EEF1A1: variants seen among roughly 807,000 people sequenced by gnomAD.
EEF1A1 encodes the protein elongation factor 1-alpha 1.
A neutral mutation model predicts 38.5 loss-of-function variants in EEF1A1; 1 was observed. The observed-to-expected ratio is 0.03, with a 90% CI of 0.01 to 0.12. The LOEUF (loss-of-function observed/expected upper bound fraction) is 0.12, where lower values mean the gene tolerates loss of function less well. Among genes scored for constraint, EEF1A1 ranks in the 10% least tolerant of loss-of-function variants. The pLI is 1.00. For missense variants in EEF1A1, 184 were observed against 588.3 expected, an observed-to-expected ratio of 0.31 and a Z score of 7.11; for synonymous variants, 229 against 203.7, an observed-to-expected ratio of 1.12 and a Z score of -1.06.
Position 73,516,970 on chromosome 6 carries a change from C to G in EEF1A1, c.*840G>C, listed in dbSNP as rs1765533025. The G allele has an allele frequency of 1.3e-5, 2 of 152,312 alleles. No homozygotes were observed. Among genetic ancestry groups the G allele is most frequent in the South Asian group, 4.1e-4 (2 of 4,826 alleles). 9.4% of individuals were successfully genotyped at this position (152,312 alleles called of 1,614,324 possible). ...AGCTACTTCAAATTGCCATCTTTTT[C>G]TATTAGAACCTTGTTCCTATTCTGA... is the stretch of plus-strand genomic sequence containing the variant. On this transcript the variant is annotated 3_prime_UTR_variant, in exon 8 of 8. Coordinates refer to ENST00000309268, the MANE Select transcript of EEF1A1 (RefSeq NM_001402.6).
Position 73,516,644 on chromosome 6 carries a change from A to G in EEF1A1, c.*1166T>C, listed in dbSNP as rs574692065. ...GAAAGCATGTCCTTTAATTTTACCT[A>G]TCCTTCAAACTTAAGCAAAAATTTT... On this transcript the variant is annotated 3_prime_UTR_variant, in exon 8 of 8. Transcript: ENST00000309268. 48 of 152,074 alleles carry G rather than the reference A, an allele frequency of 3.2e-4. No homozygotes were observed. The highest frequency in any genetic ancestry group is 1.1e-3 in the African/African-American group (47 of 41,498). The allele number at this position is 152,074 out of a possible 1,614,324, so 9.4% of individuals were successfully genotyped here. A position where few individuals can be genotyped will look rare whatever the true frequency, so the allele number is the denominator to read the frequency against.
chr6:73,516,572 C>G lies in EEF1A1; in HGVS notation c.*1238G>C, dbSNP rs962909370. The G allele has an allele frequency of 6.6e-6, 1 of 152,044 alleles. No individual in the cohort carries two copies. Among genetic ancestry groups the G allele is most frequent in the Admixed American group, 6.6e-5 (1 of 15,254 alleles). 9.4% of individuals were successfully genotyped at this position (152,044 alleles called of 1,614,324 possible). ...TGCCATTGCATTCTAGCCTGGGCAA[C>G]AAGAACTCCATCTTAAAAAAAATTT... On this transcript the variant is annotated 3_prime_UTR_variant, in exon 8 of 8. Coordinates refer to ENST00000309268, the MANE Select transcript of EEF1A1 (RefSeq NM_001402.6).
rs1765547871 is a variant in EEF1A1 at position 73,517,400 on chromosome 6, CCACCCAGAAGTGTTAACTCA to C, written c.*390_*409del. ...TGTGGGGGGAAAACAACCCTATTCT[CCACCCAGAAGTGTTAACTCA>C]AGAATTACATTTTCAAGAAGTTTCC... is the stretch of plus-strand genomic sequence containing the variant. On this transcript the variant is annotated 3_prime_UTR_variant, in exon 8 of 8. Coordinates refer to ENST00000309268, the MANE Select transcript of EEF1A1 (RefSeq NM_001402.6). The C allele has an allele frequency of 6.0e-6, 1 of 167,744 alleles. No homozygotes were observed. Among genetic ancestry groups the C allele is most frequent in the Admixed American group, 6.0e-5 (1 of 16,770 alleles). 10.4% of individuals were successfully genotyped at this position (167,744 alleles called of 1,614,324 possible).
chr6:73,519,946 C>T lies in EEF1A1; in HGVS notation c.81G>A (p.Leu27=), dbSNP rs1250642922. The T allele has an allele frequency of 6.2e-7, 1 of 1,609,024 alleles. No homozygotes were observed. The highest frequency in any genetic ancestry group is 1.3e-5 in the African/African-American group (1 of 74,896). Residue 27 remains leucine, a synonymous_variant, in exon 2 of 8, where the codon CTG becomes CTA. Coordinates refer to ENST00000309268, the MANE Select transcript of EEF1A1 (RefSeq NM_001402.6). ...DSGKSTTTGH[L]IYKCGGIDKR... is the part of the protein sequence containing the mutation. ...TGTCGATGCCACCGCATTTATAGAT[C>T]AGATGGCCAGTAGTGGTGGACTTGC...
chr6:73,519,248 A>G lies in EEF1A1; in HGVS notation c.325-20T>C, dbSNP rs1182045875. 1 of 1,607,506 alleles carries G rather than the reference A, an allele frequency of 6.2e-7. No homozygotes were observed. Among genetic ancestry groups the G allele is most frequent in the Non-Finnish European group, 8.5e-7 (1 of 1,176,732 alleles). On this transcript the variant is annotated intron_variant, in intron 3 of 7. Coordinates refer to ENST00000309268, the MANE Select transcript of EEF1A1 (RefSeq NM_001402.6). ...GTCAGCCTTTAAAGAAAGCAAAGAC[A>G]TATCCCTGTCAACTCTCCAAATGAC... is the stretch of plus-strand genomic sequence containing the variant.
rs375571173 is a variant in EEF1A1 at position 73,517,897 on chromosome 6, C to T, written c.1302G>A (p.Ala434=). The stretch of plus-strand genomic sequence containing the variant: ...TGTCCACTGCTTTGATGACACCCAC[C>T]GCAACTGTCTGTCTCATATCACGAA... The part of the protein sequence containing the change: ...FAVRDMRQTV[A]VGVIKAVDKK... The change falls in exon 8 of 8, where the codon GCG becomes GCA. Residue 434 remains alanine, a synonymous_variant. Coordinates refer to ENST00000309268, the MANE Select transcript of EEF1A1 (RefSeq NM_001402.6). 3.8e-5 allele frequency: 61 copies of T among 1,612,408 alleles called. No homozygotes were observed. Among genetic ancestry groups the T allele is most frequent in the African/African-American group, 3.6e-4 (27 of 74,732 alleles).
chr6:73,519,964 G>A lies in EEF1A1; in HGVS notation c.63C>T (p.Ser21=), dbSNP rs1215135878. 3 of 1,605,612 alleles carry A rather than the reference G, an allele frequency of 1.9e-6. No individual in the cohort carries two copies. The highest frequency in any genetic ancestry group is 2.7e-5 in the African/African-American group (2 of 74,868). ...VVIGHVDSGK[S]TTTGHLIYKC... ...TATAGATCAGATGGCCAGTAGTGGT[G>A]GACTTGCCCGAATCTACGTGTCCAA... Residue 21 remains serine, a synonymous_variant, in exon 2 of 8, where the codon TCC becomes TCT. Transcript: ENST00000309268.
At chr6:73,519,684 G>C (rs1169119124) in intron 2 of EEF1A1, among the ~76,000 whole-genome samples, 168 bp from the exon 3 acceptor site, 4 of 152,144 alleles carry the variant, frequency 2.6e-5, no homozygotes, top group Admixed American at 2.0e-4. Flanking sequence ...TTATAAGTCG[G>C]ATCTTAACTA....
chr6:73,518,229 G>T lies in EEF1A1; in HGVS notation c.1065C>A (p.Ala355=). The change falls in exon 7 of 8, where the codon GCC becomes GCA. Residue 355 remains alanine, a synonymous_variant. Coordinates refer to ENST00000309268, the MANE Select transcript of EEF1A1 (RefSeq NM_001402.6). ...IILNHPGQIS[A]GYAPVLDCHT... ...GGCAATCCAATACAGGGGCATAGCC[G>T]GCGCTTATTTGGCCTGGATGGTTCA... 1 of 1,571,524 alleles carries T rather than the reference G, an allele frequency of 6.4e-7. No individual in the cohort carries two copies. Among genetic ancestry groups the T allele is most frequent in the Non-Finnish European group, 8.6e-7 (1 of 1,156,236 alleles).
Position 73,518,986 on chromosome 6 carries a change from T to A in EEF1A1, c.567A>T (p.Ala189=), listed in dbSNP as rs774949353. ...CATTCCAACCAGAAATTGGCACAAA[T>A]GCTACTGTGTCGGGGTTGTAGCCAA... is the stretch of plus-strand genomic sequence containing the variant. ...KKIGYNPDTV[A]FVPISGWNGD... Residue 189 remains alanine, a synonymous_variant, in exon 4 of 8, where the codon GCA becomes GCT. Transcript: ENST00000309268. The A allele has an allele frequency of 4.4e-6, 7 of 1,602,524 alleles. No individual in the cohort carries two copies.
In EEF1A1 at chr6:73,517,898, G is replaced by C; in HGVS notation, c.1301C>G (p.Ala434Gly). 3 of 1,611,820 alleles carry C rather than the reference G, an allele frequency of 1.9e-6. No individual in the cohort carries two copies. The highest frequency in any genetic ancestry group is 2.5e-6 in the Non-Finnish European group (3 of 1,179,534). The change falls in exon 8 of 8, where the codon GCG (alanine) becomes GGG (glycine). Residue 434 changes from alanine (A) to glycine (G), a missense_variant. Coordinates refer to ENST00000309268, the MANE Select transcript of EEF1A1 (RefSeq NM_001402.6). ...GTCCACTGCTTTGATGACACCCACCGCAACTGTCTGTCTCATATCACGAAC... is the reference window on the plus strand; with the variant it reads ...GTCCACTGCTTTGATGACACCCACCCCAACTGTCTGTCTCATATCACGAAC... Reference protein sequence around the residue: ...FAVRDMRQTVAVGVIKAVDKK... With the variant: ...FAVRDMRQTVGVGVIKAVDKK...
chr6:73,519,988 A>G lies in EEF1A1; in HGVS notation c.39T>C (p.Ile13=), dbSNP rs769792094. The part of the protein sequence containing the change: ...KEKTHINIVV[I]GHVDSGKSTT... ...TGGACTTGCCCGAATCTACGTGTCC[A>G]ATGACGACAATGTTGATATGAGTCT... Residue 13 remains isoleucine, a synonymous_variant, in exon 2 of 8, where the codon ATT becomes ATC. Transcript: ENST00000309268. 1.2e-6 allele frequency: 2 copies of G among 1,601,790 alleles called. No individual in the cohort carries two copies. The highest frequency in any genetic ancestry group is 2.2e-5 in the South Asian group (2 of 90,968).
chr6:73,518,930 A>G lies in EEF1A1; in HGVS notation c.621+2T>C, dbSNP rs1331719665. 5.6e-6 allele frequency: 9 copies of G among 1,612,292 alleles called. No homozygotes were observed. Among genetic ancestry groups the G allele is most frequent in the Admixed American group, 1.7e-5 (1 of 59,980 alleles). On this transcript the variant is annotated splice_donor_variant, in intron 4 of 7. Transcript: ENST00000309268. LOFTEE classifies it high-confidence loss of function. Reference sequence around the variant, plus strand: ...TTAACAATGGTCTTGAAAGCCACTTACGTTAGCACTTGGCTCCAGCATGTT... The same window carrying G: ...TTAACAATGGTCTTGAAAGCCACTTGCGTTAGCACTTGGCTCCAGCATGTT...
rs1321948127 is a variant in EEF1A1 at position 73,516,659 on chromosome 6, G to A, written c.*1151C>T. ...AATTTTACCTATCCTTCAAACTTAA[G>A]CAAAAATTTTCCTTTTATAACCAAA... On this transcript the variant is annotated 3_prime_UTR_variant, in exon 8 of 8. Coordinates refer to ENST00000309268, the MANE Select transcript of EEF1A1 (RefSeq NM_001402.6). The A allele has an allele frequency of 1.3e-5, 2 of 151,416 alleles. No homozygotes were observed. The highest frequency in any genetic ancestry group is 3.9e-4 in the East Asian group (2 of 5,136). The allele number at this position is 151,416 out of a possible 1,614,324, so 9.4% of individuals were successfully genotyped here.
Position 73,517,737 on chromosome 6 carries a change from T to C in EEF1A1, c.*73A>G. 1 of 784,270 alleles carries C rather than the reference T, an allele frequency of 1.3e-6. No individual in the cohort carries two copies. The highest frequency in any genetic ancestry group is 2.0e-6 in the Non-Finnish European group (1 of 494,368). The allele number at this position is 784,270 out of a possible 1,614,324, so 48.6% of individuals were successfully genotyped here. The stretch of plus-strand genomic sequence containing the variant: ...TTTACTACTAAACTTAAATGGCCAA[T>C]TGAAACAAACAGTTCTGAGACCGTT... On this transcript the variant is annotated 3_prime_UTR_variant, in exon 8 of 8. Transcript: ENST00000309268.
intron 6 of EEF1A1, 32 bp from the exon 7 acceptor site, chr6:73,518,296 C>A: frequency 6.2e-7 from 1 of 1,611,084 alleles, no homozygotes; most frequent in Non-Finnish European, 8.5e-7. Context: ...CAGTGCAAAT[C>A]CAAAGTCTCA....
chr6:73,519,732 G>C (rs562869644), intron 2 of EEF1A1, 151 bp downstream of exon 2: 3 of 1,233,938 alleles, frequency 2.4e-6, no homozygotes, highest in Non-Finnish European at 3.3e-6. Context: ...TACGATTACA[G>C]AAGTCACCAA....
At position 73,518,901 on chromosome 6, in the gene EEF1A1, CTT is replaced by C. The variant is rs755336923; in HGVS notation, c.621+29_621+30del. The C allele has an allele frequency of 1.7e-5, 27 of 1,611,034 alleles. No homozygotes were observed. In the East Asian group the frequency reaches 4.9e-4, roughly 29 times the overall value. Reference sequence around the variant, plus strand: ...AAGCATGAAATCGCCATTCCCAGAGCTTTTTAACAATGGTCTTGAAAGCCACT... The same window carrying C: ...AAGCATGAAATCGCCATTCCCAGAGCTTTAACAATGGTCTTGAAAGCCACT... On this transcript the variant is annotated intron_variant, in intron 4 of 7. Coordinates refer to ENST00000309268, the MANE Select transcript of EEF1A1 (RefSeq NM_001402.6).
chr6:73,520,833 A>C (rs1765638147), intron 1 of EEF1A1, 167 bp downstream of exon 1: 1 of 152,458 alleles, frequency 6.6e-6, no homozygotes, highest in Non-Finnish European at 1.5e-5. Context: ...GCACGAGGCG[A>C]AGGGGCTCCT....
Sources: gnomAD v4.1 joint callset for allele counts (sites outside exome capture counted in the v4.1 genomes callset) on GRCh38, gnomAD v4.1.1 for gene constraint, MANE v1.5 for transcripts, NCBI Gene and HGNC (gene_info 2026-07-23, HGNC 2026-07-21) for gene names.